Variants in TCERG1L observed in about 807,000 individuals in gnomAD.
TCERG1L encodes the protein transcription elongation regulator 1 like.
In TCERG1L, 37 loss-of-function variants were observed where a neutral mutation model predicts 56.3. The observed-to-expected ratio is 0.66, with a 90% CI of 0.51 to 0.87. TCERG1L has a LOEUF of 0.87. Among genes scored for constraint, TCERG1L ranks in the 40% least tolerant of loss-of-function variants. TCERG1L has a pLI of 0.00. For synonymous variants in TCERG1L, 324 were observed against 326.3 expected (o/e 0.99, Z 0.08); for missense variants, 799 against 774.2 (o/e 1.03, Z -0.38).
chr10:131,178,409 T>C (rs1845132741), intron 4 of TCERG1L, among the ~76,000 whole-genome samples: 1 of 152,190 alleles, frequency 6.6e-6, no homozygotes, highest in Non-Finnish European at 1.5e-5. Flanking sequence ...GAGTATCTCA[T>C]GCCCTGAGTG....
At chr10:131,137,956 C>A (rs4750854) in intron 7 of TCERG1L, among the ~76,000 whole-genome samples, 131,756 of 152,124 alleles carry the variant, frequency 0.87, 57,786 homozygotes, top group South Asian at 0.93. Flanking sequence ...ACACTTACAA[C>A]AGCTAGGGCT....
intron 8 of TCERG1L, among the ~76,000 whole-genome samples, chr10:131,134,169 G>C (rs568159456): frequency 6.6e-6 from 1 of 152,294 alleles, no homozygotes; most frequent in East Asian, 1.9e-4. Flanking sequence ...CCTGTGTACA[G>C]TGTCTGAAGT....
chr10:131,277,249 A>C (rs1025372025), intron 3 of TCERG1L, among the ~76,000 whole-genome samples: 2 of 152,158 alleles, frequency 1.3e-5, no homozygotes, highest in Non-Finnish European at 2.9e-5. Flanking sequence ...CAGAGGGCTT[A>C]AAGCTGGAAG....
chr10:131,245,269 G>A (rs549716140), intron 4 of TCERG1L, among the ~76,000 whole-genome samples: 18 of 152,342 alleles, frequency 1.2e-4, no homozygotes, highest in Non-Finnish European at 2.1e-4. Flanking sequence ...GAGCCTGCAG[G>A]AGCAATGATA....
chr10:131,233,141 T>C (rs1845870178), intron 4 of TCERG1L, among the ~76,000 whole-genome samples: 1 of 152,218 alleles, frequency 6.6e-6, no homozygotes, highest in African/African-American at 2.4e-5. Flanking sequence ...AAGGTGACTT[T>C]TTCTATTAAC....
chr10:131,308,961 A>T (rs1235111194), intron 2 of TCERG1L, among the ~76,000 whole-genome samples, 192 bp downstream of exon 2: 1 of 152,192 alleles, frequency 6.6e-6, no homozygotes, highest in Non-Finnish European at 1.5e-5. Flanking sequence ...AATATCCTAA[A>T]CTAAAACAAA....
chr10:131,198,202 G>T (rs1272804805), intron 4 of TCERG1L, among the ~76,000 whole-genome samples: 2 of 152,212 alleles, frequency 1.3e-5, no homozygotes, highest in East Asian at 1.9e-4. Context: ...CACAGGTGTG[G>T]TGTGTTTATC....
intron 4 of TCERG1L, among the ~76,000 whole-genome samples, chr10:131,256,910 A>AGAAGGAAGGAAGG (rs1220686790): frequency 6.7e-6 from 1 of 148,942 alleles, no homozygotes; most frequent in East Asian, 2.0e-4. Flanking sequence ...AGAAAGACAA[A>AGAAGGAAGGAAGG]GAAGGAAGGA....
intron 7 of TCERG1L, among the ~76,000 whole-genome samples, chr10:131,136,122 A>G (rs1270662468): frequency 6.6e-6 from 1 of 152,204 alleles, no homozygotes; most frequent in Non-Finnish European, 1.5e-5. Context: ...TCCCCAGTTG[A>G]GAGCCACTGG....
At chr10:131,145,846 G>A (rs1226927533) in intron 7 of TCERG1L, among the ~76,000 whole-genome samples, 1 of 152,224 alleles carries the variant, frequency 6.6e-6, no homozygotes, top group Non-Finnish European at 1.5e-5. Context: ...GAATCCACAT[G>A]CTCTGGGAGG....
intron 11 of TCERG1L, among the ~76,000 whole-genome samples, chr10:131,096,225 G>A (rs1845245183): frequency 6.6e-6 from 1 of 152,206 alleles, no homozygotes; most frequent in South Asian, 2.1e-4. Context: ...GGGCCAGGCT[G>A]TGAACCAAGG....
intron 3 of TCERG1L, among the ~76,000 whole-genome samples, chr10:131,289,438 T>C (rs1185939873): frequency 2.0e-5 from 3 of 152,232 alleles, no homozygotes; most frequent in Non-Finnish European, 2.9e-5. Context: ...ACCTATGATA[T>C]TGTGGTACAC....
intron 4 of TCERG1L, among the ~76,000 whole-genome samples, chr10:131,230,468 C>T (rs143772301): frequency 2.6e-5 from 4 of 152,286 alleles, no homozygotes; most frequent in South Asian, 2.1e-4. Flanking sequence ...CAGTGCTCAC[C>T]GGCAGCAAGT....
chr10:131,300,758 T>C (rs1846753050), intron 3 of TCERG1L, among the ~76,000 whole-genome samples: 1 of 152,122 alleles, frequency 6.6e-6, no homozygotes, highest in Non-Finnish European at 1.5e-5. Context: ...TCTTGCTTGG[T>C]TTGTGTGTCT....
chr10:131,093,820 G>A (rs902339193), intron 11 of TCERG1L, among the ~76,000 whole-genome samples: 1 of 152,194 alleles, frequency 6.6e-6, no homozygotes, highest in East Asian at 1.9e-4. Flanking sequence ...TAGAGGCTCA[G>A]AGAACTGTGA....
intron 3 of TCERG1L, among the ~76,000 whole-genome samples, chr10:131,291,419 T>C (rs1426399966): frequency 9.2e-5 from 7 of 76,308 alleles, no homozygotes; most frequent in African/African-American, 1.4e-4. Context: ...TTTTTTTTTT[T>C]TTTTTTTTTT....
At chr10:131,189,872 C>A (rs11591696) in intron 4 of TCERG1L, among the ~76,000 whole-genome samples, 4,704 of 151,690 alleles carry the variant, frequency 0.031, 74 homozygotes, top group Non-Finnish European at 0.038. Context: ...ATAGCCACTC[C>A]GAAACAAGAA....
At chr10:131,182,273 A>G (rs1439104629) in intron 4 of TCERG1L, among the ~76,000 whole-genome samples, 3 of 152,210 alleles carry the variant, frequency 2.0e-5, no homozygotes, top group Non-Finnish European at 4.4e-5. Context: ...TTGCATTGTC[A>G]CTGGGTGAAA....
At chr10:131,249,153 G>T (rs1353150783) in intron 4 of TCERG1L, among the ~76,000 whole-genome samples, 2 of 152,242 alleles carry the variant, frequency 1.3e-5, no homozygotes, top group Admixed American at 6.5e-5. Flanking sequence ...TTCATCAGGT[G>T]GGGGCTGGGA....
Sources: gnomAD v4.1 joint callset for allele counts (sites outside exome capture counted in the v4.1 genomes callset) on GRCh38, gnomAD v4.1.1 for gene constraint, MANE v1.5 for transcripts, NCBI Gene and HGNC (gene_info 2026-07-23, HGNC 2026-07-21) for gene names.